EXOSC9: variants seen among roughly 807,000 people sequenced by gnomAD.
EXOSC9 encodes exosome complex component RRP45.
EXOSC9 carries 38 observed loss-of-function variants against 56.5 expected under a neutral mutation model. The ratio of observed to expected loss-of-function variants is 0.67; its 90% CI spans 0.52 to 0.88. EXOSC9 has a LOEUF of 0.88. EXOSC9 is among the 40% of genes least tolerant of loss of function. The pLI is 0.00. For synonymous variants in EXOSC9, 170 were observed against 170.8 expected (o/e 0.99, Z 0.04); for missense variants, 559 against 530.5 (o/e 1.05, Z -0.53).
Position 121,801,822 on chromosome 4 carries a change from T to A in EXOSC9, c.67-5T>A. 1.2e-6 allele frequency: 2 copies of A among 1,610,420 alleles called. No homozygotes were observed. The highest frequency in any genetic ancestry group is 1.7e-6 in the Non-Finnish European group (2 of 1,176,574). On this transcript the variant is annotated splice_polypyrimidine_tract_variant and splice_region_variant and intron_variant, in intron 1 of 11. Transcript: ENST00000243498. ...ATAAATTAATGAATGAATTTGTGCT[T>A]ACAGCGGCTGGATGGCAGACAAACC...
Position 121,813,876 on chromosome 4 carries a change from C to T in EXOSC9, c.985C>T (p.Pro329Ser). The T allele has an allele frequency of 1.2e-6, 2 of 1,609,914 alleles. No homozygotes were observed. The highest frequency in any genetic ancestry group is 1.7e-6 in the Non-Finnish European group (2 of 1,176,894). Reference sequence around the variant, plus strand: ...TCTTAACTTGTTAAGTGTTTCTACACCTGTGCTATGGACTCCTGGAACTGC... The same window carrying T: ...TCTTAACTTGTTAAGTGTTTCTACATCTGTGCTATGGACTCCTGGAACTGC... ...AEPPSEVVST[P>S]VLWTPGTAQI... Residue 329 changes from proline to serine, a missense_variant, in exon 10 of 12, where the codon CCT (proline) becomes TCT (serine). By Grantham distance (74) the Pro-to-Ser change is moderately conservative. Transcript: ENST00000243498.
At chr4:121,802,034 G>T in intron 2 of EXOSC9, 113 bp downstream of exon 2, 2 of 752,602 alleles carry the variant, frequency 2.7e-6, no homozygotes, top group Non-Finnish European at 4.4e-6. Flanking sequence ...TCTTTGTTTA[G>T]CTGACAAAAA....
At chr4:121,803,161 T>C in intron 4 of EXOSC9, 144 bp downstream of exon 4, 1 of 599,890 alleles carries the variant, frequency 1.7e-6, no homozygotes, top group Non-Finnish European at 2.9e-6. Context: ...AGTGATACCC[T>C]TAGAACTTTG....
chr4:121,816,566 A>T, intron 11 of EXOSC9, 119 bp downstream of exon 11: 1 of 814,514 alleles, frequency 1.2e-6, no homozygotes, highest in Non-Finnish European at 1.9e-6. Flanking sequence ...TCCCTTTTTC[A>T]TTAGAGATCC....
intron 7 of EXOSC9, among the ~76,000 whole-genome samples, chr4:121,811,060 G>A (rs1025779412): frequency 2.6e-5 from 4 of 152,202 alleles, no homozygotes; most frequent in Non-Finnish European, 5.9e-5. Flanking sequence ...TTGAATTCTA[G>A]TTCTGCCCCC....
At chr4:121,816,169 G>T (rs1376436122) in intron 10 of EXOSC9, 200 bp from the exon 11 acceptor site, 3 of 651,154 alleles carry the variant, frequency 4.6e-6, no homozygotes, top group South Asian at 3.7e-5. Context: ...ATGTTGGCCA[G>T]ACTGGACTCG....
intron 5 of EXOSC9, 58 bp from the exon 6 acceptor site, chr4:121,807,482 T>A: frequency 3.0e-6 from 3 of 1,014,864 alleles, no homozygotes; most frequent in Non-Finnish European, 4.5e-6. Flanking sequence ...GCAAGATGAT[T>A]TTTTTGGATG....
At chr4:121,814,833 G>T (rs1381427383) in intron 10 of EXOSC9, 1 of 152,130 alleles carries the variant, frequency 6.6e-6, no homozygotes, top group Admixed American at 6.5e-5. Flanking sequence ...TAGAACTGAA[G>T]TTGTTATGTA....
chr4:121,810,247 A>G, intron 7 of EXOSC9, 148 bp downstream of exon 7: 1 of 714,446 alleles, frequency 1.4e-6, no homozygotes, highest in Non-Finnish European at 2.4e-6. Flanking sequence ...TCACTATTAA[A>G]TACATTCTGT....
chr4:121,813,477 T>C (rs1283469397), intron 9 of EXOSC9, 97 bp downstream of exon 9: 15 of 1,037,890 alleles, frequency 1.4e-5, no homozygotes, highest in African/African-American at 3.2e-5. Context: ...AAATTAGTTT[T>C]TGTAAACACT....
In EXOSC9 at chr4:121,810,025, G is replaced by C. The variant is rs752667919; in HGVS notation, c.664G>C (p.Val222Leu). Residue 222 changes from valine to leucine, a missense_variant, in exon 7 of 12, where the codon GTG becomes CTG. Transcript: ENST00000243498. ...AGAACGTGTGATGGATGGCTTGCTG[G>C]TGATTGCCATGAACAAACATCGAGA... ...REERVMDGLL[V>L]IAMNKHREIC... The C allele has an allele frequency of 6.2e-7, 1 of 1,613,670 alleles. No individual in the cohort carries two copies. Among genetic ancestry groups the C allele is most frequent in the African/African-American group, 1.3e-5 (1 of 74,928 alleles).
At chr4:121,808,202 G>A (rs1727103064) in intron 6 of EXOSC9, among the ~76,000 whole-genome samples, 2 of 152,098 alleles carry the variant, frequency 1.3e-5, no homozygotes, top group South Asian at 4.1e-4. Flanking sequence ...AATTCCTTTA[G>A]AAACAAGGGA....
intron 3 of EXOSC9, 54 bp from the exon 4 acceptor site, chr4:121,802,859 TTA>T (rs1334411576): frequency 4.3e-5 from 70 of 1,611,142 alleles, no homozygotes; most frequent in Non-Finnish European, 1.7e-6. Context: ...AGCTTTTGTT[TTA>T]ATACCTGGTG....
chr4:121,807,075 C>T (rs1727042345), intron 5 of EXOSC9, among the ~76,000 whole-genome samples: 1 of 151,930 alleles, frequency 6.6e-6, no homozygotes, highest in Non-Finnish European at 1.5e-5. Flanking sequence ...GGTGGATCAC[C>T]TCAGGTTGGG....
Position 121,813,813 on chromosome 4 carries a change from A to G in EXOSC9, c.975-53A>G, listed in dbSNP as rs4256243. ...AAGAAAACTTTCATTCTCATCTTCA[A>G]CAGTTCATCAAATAGCAATATTTTT... On this transcript the variant is annotated intron_variant, in intron 9 of 11. Transcript: ENST00000243498. The G allele has an allele frequency of 3.4e-3, 4,409 of 1,290,532 alleles. 148 individuals carry two copies. The African/African-American group carries it at 0.057, about 17-fold the overall frequency. 79.9% of individuals were successfully genotyped at this position (1,290,532 alleles called of 1,614,324 possible).
At chr4:121,802,206 T>C (rs1344891106) in intron 2 of EXOSC9, among the ~76,000 whole-genome samples, 1 of 152,238 alleles carries the variant, frequency 6.6e-6, no homozygotes, top group Non-Finnish European at 1.5e-5. Context: ...CACACTAATA[T>C]AGAGATCTTG....
At chr4:121,813,790 G>T in intron 9 of EXOSC9, 76 bp from the exon 10 acceptor site, 1 of 1,117,824 alleles carries the variant, frequency 8.9e-7, no homozygotes, top group East Asian at 2.4e-5. Flanking sequence ...CTTACAAGAA[G>T]AAAACTTTCA....
intron 11 of EXOSC9, 84 bp from the exon 12 acceptor site, chr4:121,816,688 C>T: frequency 7.3e-7 from 1 of 1,370,234 alleles, no homozygotes; most frequent in East Asian, 2.6e-5. Context: ...TTAGATCCTA[C>T]TGGAAAACTA....
chr4:121,816,757 T>C lies in EXOSC9; in HGVS notation c.1236-15T>C. 1.3e-6 allele frequency: 2 copies of C among 1,566,208 alleles called. No homozygotes were observed. The highest frequency in any genetic ancestry group is 1.7e-6 in the Non-Finnish European group (2 of 1,162,704). On this transcript the variant is annotated splice_polypyrimidine_tract_variant and intron_variant, in intron 11 of 11. Coordinates refer to ENST00000243498, the MANE Select transcript of EXOSC9 (RefSeq NM_005033.3). Reference sequence around the variant, plus strand: ...AACATACTCTTAGTAAATTCTTACTTTGCTTTATTCACAGAACACAGACCA... The same window carrying C: ...AACATACTCTTAGTAAATTCTTACTCTGCTTTATTCACAGAACACAGACCA...
Sources: gnomAD v4.1 joint callset for allele counts (sites outside exome capture counted in the v4.1 genomes callset) on GRCh38, gnomAD v4.1.1 for gene constraint, MANE v1.5 for transcripts, NCBI Gene and HGNC (gene_info 2026-07-23, HGNC 2026-07-21) for gene names.